ZNF2: variants seen among roughly 807,000 people sequenced by gnomAD.
ZNF2 encodes zinc finger protein 2.
A neutral mutation model predicts 21.9 loss-of-function variants in ZNF2; 12 were observed. The ratio of observed to expected loss-of-function variants is 0.55; its 90% CI spans 0.35 to 0.89. ZNF2 has a LOEUF of 0.89. Ranked by LOEUF, ZNF2 falls within the 40% of genes least tolerant of loss-of-function variation. ZNF2 has a pLI of 0.01. For synonymous variants in ZNF2, 186 were observed against 196.3 expected (o/e 0.95, Z 0.44); for missense variants, 462 against 544.2 (o/e 0.85, Z 1.50).
Position 95,181,806 on chromosome 2 carries a change from G to T in ZNF2, c.978G>T (p.Ser326=), listed in dbSNP as rs370909020. The change falls in exon 5 of 5, where the codon TCG becomes TCT. Residue 326 remains serine (S), a synonymous_variant. Transcript: ENST00000614034. ...NECGKAFYGV[S]SLNRHQKAHA... Reference sequence around the variant, plus strand: ...GCGGGAAAGCTTTCTATGGTGTCTCGTCTCTGAATAGACATCAGAAAGCTC... The same window carrying T: ...GCGGGAAAGCTTTCTATGGTGTCTCTTCTCTGAATAGACATCAGAAAGCTC... 6.2e-7 allele frequency: 1 copy of T among 1,614,040 alleles called. No individual in the cohort carries two copies. Among genetic ancestry groups the T allele is most frequent in the Non-Finnish European group, 8.5e-7 (1 of 1,180,046 alleles).
intron 1 of ZNF2, among the ~76,000 whole-genome samples, chr2:95,167,374 C>T (rs1209149484): frequency 2.0e-5 from 3 of 151,548 alleles, no homozygotes; most frequent in East Asian, 2.0e-4. Context: ...GGCGTGGTGG[C>T]GGGCGCCTGT....
chr2:95,172,798 G>A (rs1202302788), intron 1 of ZNF2, among the ~76,000 whole-genome samples: 1 of 151,782 alleles, frequency 6.6e-6, no homozygotes, highest in Non-Finnish European at 1.5e-5. Context: ...CATCATGCCT[G>A]GCTAATTTTT....
intron 1 of ZNF2, among the ~76,000 whole-genome samples, chr2:95,171,705 C>G (rs1674277820): frequency 6.6e-6 from 1 of 152,216 alleles, no homozygotes; most frequent in South Asian, 2.1e-4. Context: ...AGCTTGACAG[C>G]AGTTTCCAAC....
chr2:95,176,244 G>A lies in ZNF2; in HGVS notation c.18G>A (p.Pro6=), dbSNP rs572844462. ...AGGAGAGAATGGCTGCTGTGTCTCC[G>A]ACCACCAGATGCCAGGTGAGGTGGA... The part of the protein sequence containing the change: MAAVS[P]TTRCQESVTF... Residue 6 remains proline (P), a synonymous_variant, in exon 2 of 5, where the codon CCG becomes CCA. Coordinates refer to ENST00000614034, the MANE Select transcript of ZNF2 (RefSeq NM_021088.4). 7.4e-6 allele frequency: 12 copies of A among 1,614,098 alleles called. No homozygotes were observed. Among genetic ancestry groups the A allele is most frequent in the African/African-American group, 5.3e-5 (4 of 75,014 alleles).
In ZNF2 at chr2:95,183,351, C is replaced by T. The variant is rs796478618; in HGVS notation, c.*1245C>T. ...CATCTAATAAGCCAGAACCCAGCAC[C>T]TAGAAGCTAGGAAAGTAAACAAGCA... On this transcript the variant is annotated 3_prime_UTR_variant, in exon 5 of 5. Transcript: ENST00000614034. The T allele has an allele frequency of 9.2e-5, 14 of 152,306 alleles. No homozygotes were observed. The highest frequency in any genetic ancestry group is 3.4e-4 in the African/African-American group (14 of 41,562). 9.4% of individuals were successfully genotyped at this position (152,306 alleles called of 1,614,324 possible).
chr2:95,175,663 G>C (rs1315748601), intron 1 of ZNF2, among the ~76,000 whole-genome samples: 1 of 152,158 alleles, frequency 6.6e-6, no homozygotes, highest in Admixed American at 6.5e-5. Flanking sequence ...CTAGTCATGT[G>C]TGCATTACCC....
In ZNF2 at chr2:95,181,723, A is replaced by G; in HGVS notation, c.895A>G (p.Ile299Val). The G allele has an allele frequency of 4.3e-6, 7 of 1,614,162 alleles. No homozygotes were observed. Among genetic ancestry groups the G allele is most frequent in the Non-Finnish European group, 5.9e-6 (7 of 1,180,018 alleles). Residue 299 changes from isoleucine to valine, a missense_variant, in exon 5 of 5, where the codon ATT becomes GTT. Transcript: ENST00000614034. ...QCGKAFSQKS[I>V]LTRHQLIHTG... Reference sequence around the variant, plus strand: ...TGGGAAAGCCTTTAGCCAGAAAAGTATTCTTACTCGCCATCAGCTAATCCA... The same window carrying G: ...TGGGAAAGCCTTTAGCCAGAAAAGTGTTCTTACTCGCCATCAGCTAATCCA...
intron 1 of ZNF2, among the ~76,000 whole-genome samples, chr2:95,170,092 A>T (rs1489076627): frequency 1.3e-5 from 2 of 152,148 alleles, no homozygotes; most frequent in Non-Finnish European, 2.9e-5. Flanking sequence ...TGTATCTCTA[A>T]ATGCTAATTT....
rs771913395 is a variant in ZNF2, at chr2:95,181,203, TGAA to T, written c.377_379del (p.Glu126del). The T allele has an allele frequency of 6.2e-7, 1 of 1,614,166 alleles. No homozygotes were observed. Among genetic ancestry groups the T allele is most frequent in the Non-Finnish European group, 8.5e-7 (1 of 1,180,036 alleles). On this transcript the variant is annotated inframe_deletion, in exon 5 of 5. Transcript: ENST00000614034. ...GGCAAAGTCCTCTGTGTCCTAAATT[TGAA>T]GTTCATACACCCAATGGCAGGATGG...
At chr2:95,176,096 C>T (rs1401981724) in intron 1 of ZNF2, 92 bp from the exon 2 acceptor site, 2 of 1,111,368 alleles carry the variant, frequency 1.8e-6, no homozygotes, top group Non-Finnish European at 2.8e-6. Context: ...ATGACATATC[C>T]CCCTGGTATG....
intron 1 of ZNF2, among the ~76,000 whole-genome samples, chr2:95,171,389 T>G (rs967350058): frequency 5.3e-5 from 8 of 151,880 alleles, no homozygotes. Context: ...CTTCTTTTTT[T>G]TTTTTTTCCC....
Position 95,182,459 on chromosome 2 carries a change from C to G in ZNF2, c.*353C>G. The G allele has an allele frequency of 5.2e-6, 1 of 191,866 alleles. No homozygotes were observed. Among genetic ancestry groups the G allele is most frequent in the Non-Finnish European group, 1.1e-5 (1 of 93,014 alleles). The allele number at this position is 191,866 out of a possible 1,614,324, so 11.9% of individuals were successfully genotyped here. A position where few individuals can be genotyped will look rare whatever the true frequency, so the allele number is the denominator to read the frequency against. On this transcript the variant is annotated 3_prime_UTR_variant, in exon 5 of 5. Coordinates refer to ENST00000614034, the MANE Select transcript of ZNF2 (RefSeq NM_021088.4). ...AAGGCAGAATGATATCACAGCAGTA[C>G]TATTTTTTTTTTTCAGAACATTTGT...
intron 1 of ZNF2, among the ~76,000 whole-genome samples, chr2:95,168,063 G>T (rs986762501): frequency 1.3e-5 from 2 of 151,846 alleles, no homozygotes; most frequent in Non-Finnish European, 2.9e-5. Flanking sequence ...TCAGGTAGAG[G>T]AGGCTTGTAT....
intron 1 of ZNF2, among the ~76,000 whole-genome samples, chr2:95,173,214 A>T (rs765630864): frequency 6.6e-6 from 1 of 151,986 alleles, no homozygotes; most frequent in Non-Finnish European, 1.5e-5. Context: ...CTCTGTTAAC[A>T]TGAGATAATG....
chr2:95,174,106 C>A (rs946654165), intron 1 of ZNF2, among the ~76,000 whole-genome samples: 7 of 152,100 alleles, frequency 4.6e-5, no homozygotes. Flanking sequence ...ATTTTTGCTG[C>A]CTTATTGAAA....
chr2:95,180,010 T>G, intron 3 of ZNF2, 149 bp from the exon 4 acceptor site: 1 of 566,070 alleles, frequency 1.8e-6, no homozygotes, highest in South Asian at 2.4e-5. Flanking sequence ...TGAGCCGAGA[T>G]CAGGCCACAG....
In ZNF2 at chr2:95,181,937, A is replaced by T. The variant is rs1214076218; in HGVS notation, c.1109A>T (p.Glu370Val). Reference protein sequence around the residue: ...QKIHTGDKPYECSECGKAFSQ... With the variant: ...QKIHTGDKPYVCSECGKAFSQ... ...ATCCACACTGGAGACAAGCCATATG[A>T]ATGCAGCGAATGCGGGAAAGCCTTT... Residue 370 changes from glutamate to valine, a missense_variant, in exon 5 of 5, where the codon GAA becomes GTA. By Grantham distance (121) the Glu-to-Val change is moderately radical. Coordinates refer to ENST00000614034, the MANE Select transcript of ZNF2 (RefSeq NM_021088.4). The T allele has an allele frequency of 3.1e-6, 5 of 1,614,160 alleles. No individual in the cohort carries two copies. In the African/African-American group the frequency reaches 6.7e-5, roughly 22 times the overall value.
chr2:95,175,886 T>C (rs1379588253), intron 1 of ZNF2, among the ~76,000 whole-genome samples: 1 of 152,218 alleles, frequency 6.6e-6, no homozygotes, highest in Admixed American at 6.5e-5. Flanking sequence ...CAATATTGAA[T>C]GTGAATTTTT....
rs1674789924 is a variant in ZNF2, at chr2:95,184,297, A to G, written c.*2191A>G. 6.6e-6 allele frequency: 1 copy of G among 152,242 alleles called. No individual in the cohort carries two copies. Among genetic ancestry groups the G allele is most frequent in the Non-Finnish European group, 1.5e-5 (1 of 68,040 alleles). 9.4% of individuals were successfully genotyped at this position (152,242 alleles called of 1,614,324 possible). A position where few individuals can be genotyped will look rare whatever the true frequency, so the allele number is the denominator to read the frequency against. ...ATTGCTAAATAATGTCAAGTAGGAA[A>G]TAAAAGAGACTATTGACAAACTTTT... On this transcript the variant is annotated 3_prime_UTR_variant, in exon 5 of 5. Transcript: ENST00000614034.
Sources: gnomAD v4.1 joint callset for allele counts (sites outside exome capture counted in the v4.1 genomes callset) on GRCh38, gnomAD v4.1.1 for gene constraint, MANE v1.5 for transcripts, NCBI Gene and HGNC (gene_info 2026-07-23, HGNC 2026-07-21) for gene names.